Variants in PAPPA2 observed in about 807,000 individuals in gnomAD.
PAPPA2 encodes the protein pappalysin 2.
PAPPA2 carries 86 observed loss-of-function variants against 176.4 expected under a neutral mutation model. That is an observed-to-expected ratio of 0.49 (90% confidence interval 0.41 to 0.58). The LOEUF is 0.58. PAPPA2 is among the 20% of genes least tolerant of loss of function. The pLI is 0.00. For missense variants in PAPPA2, 2,073 were observed against 2,256.9 expected (o/e 0.92, Z 1.65); for synonymous variants, 809 against 852.2 (o/e 0.95, Z 0.88).
At chr1:176,805,091 CTTTT>C (rs150594367) in intron 21 of PAPPA2, among the ~76,000 whole-genome samples, 18,425 of 136,296 alleles carry the variant, frequency 0.14, 1,473 homozygotes, top group Middle Eastern at 0.25. Context: ...TCCTTCCTTC[CTTTT>C]ATTTTTCCTT....
chr1:176,662,052 T>A (rs1658386991), intron 3 of PAPPA2, among the ~76,000 whole-genome samples: 1 of 152,170 alleles, frequency 6.6e-6, no homozygotes, highest in Non-Finnish European at 1.5e-5. Flanking sequence ...GTGTCTTCTG[T>A]ATCTTTTCAT....
At chr1:176,604,688 C>T (rs147278402) in intron 3 of PAPPA2, among the ~76,000 whole-genome samples, 3 of 152,320 alleles carry the variant, frequency 2.0e-5, no homozygotes, top group Non-Finnish European at 4.4e-5. Context: ...ACATATTTAT[C>T]ATACCATACT....
chr1:176,552,091 C>T (rs1378761689), intron 1 of PAPPA2, among the ~76,000 whole-genome samples: 1 of 151,992 alleles, frequency 6.6e-6, no homozygotes, highest in Non-Finnish European at 1.5e-5. Flanking sequence ...GTTATAGTGT[C>T]TCCTCCCTTC....
chr1:176,765,883 G>T lies in PAPPA2; in HGVS notation c.4323+46G>T, dbSNP rs559200507. The T allele has an allele frequency of 5.0e-6, 8 of 1,598,526 alleles. No individual in the cohort carries two copies. The South Asian group carries it at 9.1e-5, about 18-fold the overall frequency. On this transcript the variant is annotated intron_variant, in intron 15 of 22. Transcript: ENST00000367662. ...CACCAGGACCAAGTTCCTGGGAAGGGGAGGTATTCACACTCTTCTCTCTGG... is the reference window on the plus strand; with the variant it reads ...CACCAGGACCAAGTTCCTGGGAAGGTGAGGTATTCACACTCTTCTCTCTGG...
rs200686384 is a variant in PAPPA2 at position 176,594,582 on chromosome 1, C to T, written c.978C>T (p.Arg326=). The change falls in exon 3 of 23, where the codon CGC becomes CGT. Residue 326 remains arginine, a synonymous_variant. Coordinates refer to ENST00000367662, the MANE Select transcript of PAPPA2 (RefSeq NM_020318.3). ...ACAAAGGCTGGGCCCTGGGGATCCGCTCAGGGAAGGACAAGGGAAAGCGGG... is the reference window on the plus strand; with the variant it reads ...ACAAAGGCTGGGCCCTGGGGATCCGTTCAGGGAAGGACAAGGGAAAGCGGG... ...VSDKGWALGI[R]SGKDKGKRDA... The T allele has an allele frequency of 2.5e-6, 4 of 1,614,096 alleles. No individual in the cohort carries two copies. Among genetic ancestry groups the T allele is most frequent in the Non-Finnish European group, 3.4e-6 (4 of 1,180,058 alleles).
intron 12 of PAPPA2, among the ~76,000 whole-genome samples, chr1:176,714,644 A>T (rs1208740157): frequency 1.3e-5 from 2 of 152,228 alleles, no homozygotes; most frequent in Non-Finnish European, 2.9e-5. Flanking sequence ...ATTTAAAATA[A>T]CACATGGCCA....
intron 1 of PAPPA2, among the ~76,000 whole-genome samples, chr1:176,531,414 TA>T (rs1649800550): frequency 1.3e-5 from 2 of 152,168 alleles, no homozygotes; most frequent in Non-Finnish European, 2.9e-5. Flanking sequence ...TACCATGACA[TA>T]AAGATGGCCA....
At chr1:176,680,577 T>C (rs1573242059) in intron 4 of PAPPA2, among the ~76,000 whole-genome samples, 1 of 152,290 alleles carries the variant, frequency 6.6e-6, no homozygotes, top group East Asian at 1.9e-4. Context: ...TAGCATCTTG[T>C]AAAACAATAG....
At chr1:176,533,021 C>A (rs1649895756) in intron 1 of PAPPA2, among the ~76,000 whole-genome samples, 1 of 152,234 alleles carries the variant, frequency 6.6e-6, no homozygotes, top group South Asian at 2.1e-4. Flanking sequence ...CTCTCTGCAG[C>A]CCCTCTGCCC....
rs1345618723 is a variant in PAPPA2, at chr1:176,664,561, CT to C, written c.1992-6404del. On this transcript the variant is annotated intron_variant, in intron 3 of 22. Transcript: ENST00000367662. ...TACTTTTAGTCAAATCTAAACAGTC[CT>C]TTTTGCCATGTAAGATGACATATTC... Among the ~76,000 whole-genome samples the C allele has an allele frequency of 2.6e-5, 4 of 152,270 alleles. No homozygotes were observed. In the Middle Eastern group the frequency reaches 0.014, roughly 518 times the overall value.
In PAPPA2 at chr1:176,550,782, C is replaced by T. The variant is rs897782680; in HGVS notation, c.-916-4625C>T. On this transcript the variant is annotated intron_variant, in intron 1 of 22. Transcript: ENST00000367662. ...CAAGAAGATAGGGCTTGTCTTGGCT[C>T]AAAACGCACAGGGAAGAGGGTGAAA... 2.6e-5 allele frequency among the ~76,000 whole-genome samples: 4 copies of T among 152,164 alleles called. No homozygotes were observed. The South Asian group carries it at 8.3e-4, about 31-fold the overall frequency.
At chr1:176,828,786 G>A (rs938999453) in intron 21 of PAPPA2, among the ~76,000 whole-genome samples, 1 of 151,818 alleles carries the variant, frequency 6.6e-6, no homozygotes, top group South Asian at 2.1e-4. Flanking sequence ...GGTGAATCAC[G>A]AGGTCAGGAG....
At chr1:176,547,938 CAT>C (rs1255420520) in intron 1 of PAPPA2, among the ~76,000 whole-genome samples, 2 of 152,160 alleles carry the variant, frequency 1.3e-5, no homozygotes, top group African/African-American at 2.4e-5. Flanking sequence ...CTACATGTAA[CAT>C]GTACGAAAAA....
chr1:176,766,972 C>T (rs930941682), intron 15 of PAPPA2, among the ~76,000 whole-genome samples: 6 of 151,584 alleles, frequency 4.0e-5, no homozygotes, highest in African/African-American at 1.2e-4. Context: ...ATTCCACTTG[C>T]TTAGAGATGT....
chr1:176,572,102 G>C (rs1361655530), intron 2 of PAPPA2, among the ~76,000 whole-genome samples: 1 of 152,156 alleles, frequency 6.6e-6, no homozygotes, highest in African/African-American at 2.4e-5. Context: ...CATTACACAG[G>C]GGCAGACTGA....
At chr1:176,610,137 C>A (rs975682475) in intron 3 of PAPPA2, among the ~76,000 whole-genome samples, 6 of 152,064 alleles carry the variant, frequency 3.9e-5, no homozygotes, top group Non-Finnish European at 7.4e-5. Flanking sequence ...AAGCTGAGTA[C>A]AATGAGCATG....
chr1:176,776,369 G>A (rs937178629), intron 17 of PAPPA2, among the ~76,000 whole-genome samples: 3 of 152,162 alleles, frequency 2.0e-5, no homozygotes, highest in African/African-American at 7.2e-5. Context: ...GGGTGCTATA[G>A]TGTCAGATCT....
intron 1 of PAPPA2, among the ~76,000 whole-genome samples, chr1:176,477,757 A>C (rs563143439): frequency 1.4e-5 from 2 of 138,378 alleles, no homozygotes; most frequent in South Asian, 4.6e-4. Context: ...AAAATAAATA[A>C]ATAAAAAACA....
At chr1:176,466,329 A>G (rs895712504) in intron 1 of PAPPA2, among the ~76,000 whole-genome samples, 5 of 152,152 alleles carry the variant, frequency 3.3e-5, no homozygotes, top group Non-Finnish European at 5.9e-5. Flanking sequence ...GTAATGTCCA[A>G]TCATTTTTGA....
Sources: allele counts gnomAD v4.1 joint callset (sites outside exome capture counted in the v4.1 genomes callset), GRCh38; gene constraint gnomAD v4.1.1; transcripts MANE v1.5; gene names NCBI Gene and HGNC (gene_info 2026-07-23, HGNC 2026-07-21).